Variants in USH2A observed in about 807,000 individuals in gnomAD.
USH2A encodes usherin.
Under a neutral mutation model 538.9 loss-of-function variants are expected in USH2A, and 443 were observed. The ratio of observed to expected loss-of-function variants is 0.82; its 90% confidence interval spans 0.76 to 0.89. USH2A has a LOEUF of 0.89. USH2A is among the 40% of genes least tolerant of loss of function. The pLI, the probability that USH2A is intolerant of heterozygous loss-of-function variation, is 0.00. For synonymous variants in USH2A, 2,413 were observed against 2,273.5 expected (o/e 1.06, Z -1.75); for missense variants, 6,633 against 6,324.8 (o/e 1.05, Z -1.65).
intron 21 of USH2A, among the ~76,000 whole-genome samples, chr1:216,100,047 A>T (rs542224256): frequency 6.6e-6 from 1 of 152,356 alleles, no homozygotes; most frequent in African/African-American, 2.4e-5. Context: ...AGTTAGATCA[A>T]GATAATATTG....
At chr1:216,074,675 A>G (rs935280088) in intron 27 of USH2A, among the ~76,000 whole-genome samples, 1 of 152,214 alleles carries the variant, frequency 6.6e-6, no homozygotes. Flanking sequence ...ATTGAAAGCA[A>G]TGAAGCTCAA....
rs140051727 is a variant in USH2A, at chr1:216,151,312, C to T, written c.4627+23940G>A. On this transcript the variant is annotated intron_variant, in intron 21 of 71. Coordinates refer to ENST00000307340, the MANE Select transcript of USH2A (RefSeq NM_206933.4). ...TTGCCTCGCACAAGGTCTCTTCTTCCTCTGTGGATCCTCTACCTACATGTG... is the reference window on the plus strand; with the variant it reads ...TTGCCTCGCACAAGGTCTCTTCTTCTTCTGTGGATCCTCTACCTACATGTG... Among the ~76,000 whole-genome samples the T allele has an allele frequency of 9.1e-3, 1,390 of 152,182 alleles. 22 individuals carry two copies. Among genetic ancestry groups the T allele is most frequent in the African/African-American group, 0.03 (1,244 of 41,498 alleles).
chr1:215,680,418 T>G (rs754926457), intron 61 of USH2A, 42 bp from the exon 62 acceptor site: 3 of 1,370,912 alleles, frequency 2.2e-6, no homozygotes, highest in Non-Finnish European at 2.1e-6. Flanking sequence ...TTTTTTTTTT[T>G]GAAACTGACA....
chr1:215,956,016 C>T (rs1275865530), intron 37 of USH2A, among the ~76,000 whole-genome samples: 1 of 152,086 alleles, frequency 6.6e-6, no homozygotes, highest in Non-Finnish European at 1.5e-5. Flanking sequence ...AGGACATTGG[C>T]CCCAGATGGC....
rs1477568594 is a variant in USH2A, at chr1:216,205,626, A to G, written c.3316+1647T>C. ...GGCATCCTCCTAACCATTTTAAGGA[A>G]GGTTATGGAATTTCAGTGTTTCGAC... On this transcript the variant is annotated intron_variant, in intron 16 of 71. Transcript: ENST00000307340. Among the ~76,000 whole-genome samples the G allele has an allele frequency of 2.0e-5, 3 of 152,206 alleles. 1 individual carries two copies. Among genetic ancestry groups the G allele is most frequent in the Non-Finnish European group, 4.4e-5 (3 of 68,032 alleles).
chr1:216,024,008 T>A (rs1270510635), intron 32 of USH2A, among the ~76,000 whole-genome samples: 2 of 152,130 alleles, frequency 1.3e-5, no homozygotes, highest in Non-Finnish European at 2.9e-5. Context: ...TAAGTTTCAC[T>A]TATAAAGGTG....
intron 37 of USH2A, among the ~76,000 whole-genome samples, chr1:215,953,578 A>C (rs1265658671): frequency 6.6e-6 from 1 of 152,080 alleles, no homozygotes; most frequent in East Asian, 1.9e-4. Flanking sequence ...TGGATTAAAG[A>C]CTTAAATGTT....
intron 30 of USH2A, among the ~76,000 whole-genome samples, chr1:216,057,436 A>T (rs1200650482): frequency 6.6e-6 from 1 of 152,184 alleles, no homozygotes; most frequent in Non-Finnish European, 1.5e-5. Flanking sequence ...CAGGTGGATC[A>T]CCTGAGGTCA....
At chr1:216,260,875 A>C (rs533599359) in intron 11 of USH2A, among the ~76,000 whole-genome samples, 1 of 152,290 alleles carries the variant, frequency 6.6e-6, no homozygotes, top group South Asian at 2.1e-4. Flanking sequence ...CACAGTTTAA[A>C]GAAAGCCGGG....
chr1:216,239,000 A>G (rs1280512433), intron 13 of USH2A, among the ~76,000 whole-genome samples: 1 of 152,054 alleles, frequency 6.6e-6, no homozygotes, highest in South Asian at 2.1e-4. Flanking sequence ...TACTGTGCAC[A>G]TTGCAGGGCT....
chr1:215,750,152 C>A (rs1331956935), intron 58 of USH2A, among the ~76,000 whole-genome samples: 1 of 152,096 alleles, frequency 6.6e-6, no homozygotes, highest in Non-Finnish European at 1.5e-5. Context: ...CACTTGGTTG[C>A]ACTTAACATG....
intron 44 of USH2A, among the ~76,000 whole-genome samples, chr1:215,860,695 A>G (rs142195780): frequency 4.3e-4 from 65 of 152,328 alleles, no homozygotes; most frequent in African/African-American, 1.5e-3. Context: ...AACATTATAC[A>G]TATTTGACAC....
chr1:215,718,141 T>C (rs1383895135), intron 61 of USH2A, among the ~76,000 whole-genome samples: 3 of 152,198 alleles, frequency 2.0e-5, no homozygotes, highest in Admixed American at 6.6e-5. Flanking sequence ...ACTAACAAGA[T>C]GTTTCACCTT....
chr1:216,415,178 A>G (rs1401970711), intron 3 of USH2A, among the ~76,000 whole-genome samples: 1 of 152,040 alleles, frequency 6.6e-6, no homozygotes, highest in Non-Finnish European at 1.5e-5. Context: ...ACAGCTTGCC[A>G]TACTTTAATG....
chr1:216,384,081 AT>A (rs1313963762), intron 3 of USH2A, among the ~76,000 whole-genome samples: 1 of 150,582 alleles, frequency 6.6e-6, no homozygotes, highest in Non-Finnish European at 1.5e-5. Flanking sequence ...TTAACCAATT[AT>A]TTTTTTCTGT....
chr1:215,627,829 A>G (rs1156975990), intron 71 of USH2A, among the ~76,000 whole-genome samples: 2 of 151,726 alleles, frequency 1.3e-5, no homozygotes, highest in African/African-American at 4.9e-5. Flanking sequence ...TGCCTGGCCT[A>G]TCTGTTTATT....
In USH2A at chr1:216,280,542, A is replaced by G. The variant is rs185569823; in HGVS notation, c.1971+8738T>C. On this transcript the variant is annotated intron_variant, in intron 11 of 71. Coordinates refer to ENST00000307340, the MANE Select transcript of USH2A (RefSeq NM_206933.4). ...AGGATTCCATGTTAGTTATTCCTCA[A>G]TAATCATTATTACTCTTCATTTTCC... is the stretch of plus-strand genomic sequence containing the variant. Among the ~76,000 whole-genome samples, 37 of 152,262 alleles carry G rather than the reference A, an allele frequency of 2.4e-4. 1 individual carries two copies. Among genetic ancestry groups the G allele is most frequent in the Admixed American group, 1.5e-3 (23 of 15,286 alleles).
At chr1:215,687,368 G>T (rs190298138) in intron 61 of USH2A, among the ~76,000 whole-genome samples, 6 of 146,096 alleles carry the variant, frequency 4.1e-5, no homozygotes, top group African/African-American at 7.8e-5. Flanking sequence ...AAAGGGAGAA[G>T]GTTTTTTTTT....
chr1:216,370,344 GA>G (rs2102716359), intron 3 of USH2A, among the ~76,000 whole-genome samples: 1 of 151,996 alleles, frequency 6.6e-6, no homozygotes, highest in South Asian at 2.1e-4. Flanking sequence ...CTGGGCGACA[GA>G]GTGAGACTCT....
Sources: gnomAD v4.1 joint callset for allele counts (sites outside exome capture counted in the v4.1 genomes callset) on GRCh38, gnomAD v4.1.1 for gene constraint, MANE v1.5 for transcripts, NCBI Gene and HGNC (gene_info 2026-07-23, HGNC 2026-07-21) for gene names.